The following DGKI variants were observed in gnomAD, a reference collection of about 807,000 sequenced individuals.
DGKI encodes DAG kinase iota.
A neutral mutation model predicts 147.5 loss-of-function variants in DGKI; 55 were observed. The ratio of observed to expected loss-of-function variants is 0.37; its 90% CI spans 0.30 to 0.47. DGKI has a LOEUF of 0.47. DGKI is among the 20% of genes least tolerant of loss of function. The probability of loss-of-function intolerance (pLI) is 1.00; values close to 1 mark genes in which losing one functional copy is unlikely to be tolerated. For synonymous variants in DGKI, 469 were observed against 477.1 expected (o/e 0.98, Z 0.22); for missense variants, 1,007 against 1,323.8 (o/e 0.76, Z 3.71).
intron 27 of DGKI, among the ~76,000 whole-genome samples, chr7:137,446,156 G>T (rs1377889722): frequency 6.6e-6 from 1 of 152,252 alleles, no homozygotes; most frequent in Non-Finnish European, 1.5e-5. Flanking sequence ...TGGAGAGCTT[G>T]TGAAGCAAGG....
At chr7:137,736,188 G>A (rs1360373835) in intron 1 of DGKI, among the ~76,000 whole-genome samples, 1 of 151,984 alleles carries the variant, frequency 6.6e-6, no homozygotes, top group Non-Finnish European at 1.5e-5. Context: ...TCATTAATTT[G>A]GTTCCAATCT....
In DGKI at chr7:137,404,849, A is replaced by G. The variant is rs750613313; in HGVS notation, c.2920+3026T>C. ...GTGTGACTCAGTCTTGCAAGAGTCAATGCGGGGTGATGAGAAACTGATTTG... is the reference window on the plus strand; with the variant it reads ...GTGTGACTCAGTCTTGCAAGAGTCAGTGCGGGGTGATGAGAAACTGATTTG... On this transcript the variant is annotated intron_variant, in intron 30 of 32. Coordinates refer to ENST00000614521, the MANE Select transcript of DGKI (RefSeq NM_001321708.2). Among the ~76,000 whole-genome samples the G allele has an allele frequency of 5.9e-5, 9 of 152,270 alleles. No homozygotes were observed. In the East Asian group the frequency reaches 1.2e-3, roughly 20 times the overall value.
chr7:137,403,580 G>A (rs1220809503), intron 30 of DGKI, among the ~76,000 whole-genome samples: 1 of 152,142 alleles, frequency 6.6e-6, no homozygotes, highest in Non-Finnish European at 1.5e-5. Flanking sequence ...AGCAAAGGAA[G>A]TGTCAACTCA....
chr7:137,767,486 A>AGAAGAGAAGG (rs1796049029), intron 1 of DGKI, among the ~76,000 whole-genome samples: 2 of 141,576 alleles, frequency 1.4e-5, no homozygotes, highest in East Asian at 4.1e-4. Flanking sequence ...AGAAGAGAAG[A>AGAAGAGAAGG]GAAGAGAAGA....
In DGKI at chr7:137,628,089, G is replaced by A. The variant is rs1051473573; in HGVS notation, c.805-4535C>T. On this transcript the variant is annotated intron_variant, in intron 6 of 32. Coordinates refer to ENST00000614521, the MANE Select transcript of DGKI (RefSeq NM_001321708.2). ...CAAGAATCTCTTCCACCATCTCGCC[G>A]AGAAAGCTTTCTGGTGTCTAATATG... 3.3e-5 allele frequency among the ~76,000 whole-genome samples: 5 copies of A among 152,196 alleles called. No homozygotes were observed. In the South Asian group the frequency reaches 6.2e-4, roughly 19 times the overall value.
intron 23 of DGKI, among the ~76,000 whole-genome samples, chr7:137,475,907 TAA>T (rs1011233952): frequency 6.8e-6 from 1 of 147,450 alleles, no homozygotes; most frequent in Admixed American, 6.8e-5. Flanking sequence ...GCTTGGTAAT[TAA>T]AAAAAAAAAT....
chr7:137,524,705 C>A (rs1044368616), intron 20 of DGKI, among the ~76,000 whole-genome samples: 1 of 152,010 alleles, frequency 6.6e-6, no homozygotes, highest in African/African-American at 2.4e-5. Context: ...CCTATCAGAC[C>A]CTAATAGGAG....
At chr7:137,657,654 C>G (rs1282265566) in intron 3 of DGKI, among the ~76,000 whole-genome samples, 1 of 152,148 alleles carries the variant, frequency 6.6e-6, no homozygotes, top group Non-Finnish European at 1.5e-5. Context: ...ATCAAAGCAT[C>G]CAAGTGTGAA....
intron 1 of DGKI, among the ~76,000 whole-genome samples, chr7:137,714,164 A>G (rs1264415722): frequency 1.3e-5 from 2 of 152,206 alleles, no homozygotes; most frequent in African/African-American, 4.8e-5. Context: ...GCTATTATCA[A>G]TATTGATTCC....
At chr7:137,619,285 A>G (rs1399043524) in intron 8 of DGKI, among the ~76,000 whole-genome samples, 2 of 152,220 alleles carry the variant, frequency 1.3e-5, no homozygotes, top group Non-Finnish European at 2.9e-5. Context: ...ACACAGAATG[A>G]GATTAGATAT....
At chr7:137,556,396 A>G (rs1159783487) in intron 19 of DGKI, among the ~76,000 whole-genome samples, 1 of 152,140 alleles carries the variant, frequency 6.6e-6, no homozygotes, top group Non-Finnish European at 1.5e-5. Flanking sequence ...TTAGAAAAAA[A>G]AAGAATTAAA....
At chr7:137,804,037 G>A (rs1375872753) in intron 1 of DGKI, among the ~76,000 whole-genome samples, 7 of 152,332 alleles carry the variant, frequency 4.6e-5, no homozygotes, top group Non-Finnish European at 1.0e-4. Context: ...GTGACAACCA[G>A]CAAACACTGA....
At chr7:137,442,143 A>G (rs1813534400) in intron 28 of DGKI, among the ~76,000 whole-genome samples, 4 of 152,194 alleles carry the variant, frequency 2.6e-5, no homozygotes, top group Admixed American at 2.6e-4. Context: ...ACAAACTAAG[A>G]GGTATGAACA....
At chr7:137,578,937 C>T (rs930983247) in intron 15 of DGKI, among the ~76,000 whole-genome samples, 5 of 152,100 alleles carry the variant, frequency 3.3e-5, no homozygotes, top group Non-Finnish European at 7.4e-5. Context: ...AAAAGAAATA[C>T]AATATATGTA....
chr7:137,750,145 C>T (rs1795453676), intron 1 of DGKI, among the ~76,000 whole-genome samples: 1 of 152,082 alleles, frequency 6.6e-6, no homozygotes, highest in African/African-American at 2.4e-5. Context: ...GAGGCAAGCA[C>T]CAGAATAAAG....
intron 12 of DGKI, among the ~76,000 whole-genome samples, chr7:137,588,967 T>A (rs997217128): frequency 6.6e-6 from 1 of 152,192 alleles, no homozygotes; most frequent in African/African-American, 2.4e-5. Flanking sequence ...ATAGATGGCA[T>A]TCAAAAATAG....
Position 137,726,414 on chromosome 7 carries a change from G to T in DGKI, c.402-36412C>A, listed in dbSNP as rs1794717825. Among the ~76,000 whole-genome samples the T allele has an allele frequency of 3.3e-5, 5 of 152,042 alleles. No individual in the cohort carries two copies. The South Asian group carries it at 1.0e-3, about 32-fold the overall frequency. ...TCCAATTCCAAAATATTTTTCTCAT[G>T]GTCACTATTCTGAGAAAATCAGGTA... On this transcript the variant is annotated intron_variant, in intron 1 of 32. Coordinates refer to ENST00000614521, the MANE Select transcript of DGKI (RefSeq NM_001321708.2).
intron 28 of DGKI, among the ~76,000 whole-genome samples, chr7:137,442,140 A>T (rs1228492402): frequency 6.6e-6 from 1 of 152,210 alleles, no homozygotes; most frequent in Non-Finnish European, 1.5e-5. Context: ...GAAACAAACT[A>T]AGAGGTATGA....
At chr7:137,397,302 C>G (rs763409079) in intron 31 of DGKI, 75 bp downstream of exon 31, 1 of 1,414,594 alleles carries the variant, frequency 7.1e-7, no homozygotes, top group Non-Finnish European at 9.8e-7. Context: ...ATGATATGCT[C>G]TATAGATTAC....
Sources: allele counts gnomAD v4.1 joint callset (sites outside exome capture counted in the v4.1 genomes callset), GRCh38; gene constraint gnomAD v4.1.1; transcripts MANE v1.5; gene names NCBI Gene and HGNC (gene_info 2026-07-23, HGNC 2026-07-21).